MAPK6: variants seen among roughly 807,000 people sequenced by gnomAD.
The protein encoded by MAPK6 is mitogen-activated protein kinase 6.
A neutral mutation model predicts 59.3 loss-of-function variants in MAPK6; 19 were observed. The observed-to-expected ratio is 0.32, with a 90% CI of 0.22 to 0.47. The LOEUF (loss-of-function observed/expected upper bound fraction) is 0.47, where lower values mean the gene tolerates loss of function less well. Ranked by LOEUF, MAPK6 falls within the 20% of genes least tolerant of loss-of-function variation. MAPK6 has a pLI of 1.00. For missense variants in MAPK6, 724 were observed against 847.9 expected (o/e 0.85, Z 1.81); for synonymous variants, 316 against 290.3 (o/e 1.09, Z -0.90).
intron 1 of MAPK6, among the ~76,000 whole-genome samples, chr15:52,036,010 A>G (rs2031228634): frequency 6.6e-6 from 1 of 152,082 alleles, no homozygotes; most frequent in African/African-American, 2.4e-5. Flanking sequence ...CATTCTAGTC[A>G]GAAGTGGAAA....
intron 2 of MAPK6, chr15:52,004,135 A>C (rs1186786132): frequency 6.6e-6 from 1 of 152,200 alleles, no homozygotes; most frequent in Non-Finnish European, 1.5e-5. Flanking sequence ...GATGAAGATT[A>C]TTTTTAGGAT....
rs1280721590 is a variant in MAPK6 at position 52,046,452 on chromosome 15, G to A, written c.-9G>A. ...TTTGAAAGGAAAAGGCAATAGTAAGGGTTTCAAAATGGCAGAGAAATTTGA... is the reference window on the plus strand; with the variant it reads ...TTTGAAAGGAAAAGGCAATAGTAAGAGTTTCAAAATGGCAGAGAAATTTGA... On this transcript the variant is annotated 5_prime_UTR_variant, in exon 2 of 6. Transcript: ENST00000261845. 2 of 1,584,386 alleles carry A rather than the reference G, an allele frequency of 1.3e-6. No homozygotes were observed. Among genetic ancestry groups the A allele is most frequent in the Non-Finnish European group, 1.7e-6 (2 of 1,165,386 alleles).
intron 1 of MAPK6, among the ~76,000 whole-genome samples, chr15:52,040,818 A>C (rs1171923313): frequency 1.3e-5 from 2 of 152,240 alleles, no homozygotes; most frequent in African/African-American, 4.8e-5. Context: ...GCTGGTATCC[A>C]GCCTGCATTA....
intron 3 of MAPK6, among the ~76,000 whole-genome samples, chr15:52,007,558 G>C (rs553244792): frequency 8.2e-4 from 124 of 152,020 alleles, no homozygotes; most frequent in African/African-American, 2.8e-3. Flanking sequence ...TTTTTATACT[G>C]TGCAAAGCCA....
At chr15:52,053,410 T>C (rs142420892) in intron 3 of MAPK6, among the ~76,000 whole-genome samples, 232 of 152,274 alleles carry the variant, frequency 1.5e-3, no homozygotes, top group African/African-American at 5.3e-3. Flanking sequence ...CCCTAATAAC[T>C]AATGGATGAT....
intron 2 of MAPK6, among the ~76,000 whole-genome samples, chr15:51,997,019 G>A (rs145541063): frequency 0.019 from 2,785 of 148,212 alleles, 83 homozygotes; most frequent in African/African-American, 0.064. Context: ...TCACTCTGTC[G>A]CCCAAGCTGG....
At chr15:51,994,328 C>T (rs940428137) in intron 2 of MAPK6, among the ~76,000 whole-genome samples, 2 of 152,068 alleles carry the variant, frequency 1.3e-5, no homozygotes, top group East Asian at 1.9e-4. Flanking sequence ...GGCTGATTCC[C>T]GGGCTGAGGC....
rs573711986 is a variant in MAPK6 at position 51,989,173 on chromosome 15, G to T, written c.-770+5858G>T. Among the ~76,000 whole-genome samples, 11 of 150,940 alleles carry T rather than the reference G, an allele frequency of 7.3e-5. No homozygotes were observed. The South Asian group carries it at 1.9e-3, about 26-fold the overall frequency. ...TGGCTCACTGTAACCTCTGCTTTCC[G>T]GGTTCAAGCAATTCTCCCACCTCAG... On this transcript the variant is annotated intron_variant, in intron 2 of 7. Transcript: ENST00000691380.
intron 2 of MAPK6, among the ~76,000 whole-genome samples, chr15:51,997,725 G>T (rs947456379): frequency 6.6e-6 from 1 of 150,818 alleles, no homozygotes; most frequent in African/African-American, 2.4e-5. Context: ...TGAGTAGCTG[G>T]TATTACAGGT....
intron 3 of MAPK6, among the ~76,000 whole-genome samples, chr15:52,057,563 A>G (rs1264428705): frequency 6.6e-6 from 1 of 152,024 alleles, no homozygotes; most frequent in African/African-American, 2.4e-5. Context: ...TGTCTCAAAA[A>G]AAAAAAAATG....
chr15:51,997,516 C>T (rs1387335563), intron 2 of MAPK6, among the ~76,000 whole-genome samples: 1 of 152,090 alleles, frequency 6.6e-6, no homozygotes, highest in Non-Finnish European at 1.5e-5. Flanking sequence ...CCTTGGCCTC[C>T]CAGAGTGCTA....
At chr15:52,004,734 A>G (rs1369028364) in intron 3 of MAPK6, among the ~76,000 whole-genome samples, 1 of 152,200 alleles carries the variant, frequency 6.6e-6, no homozygotes, top group Non-Finnish European at 1.5e-5. Flanking sequence ...TGAAGCTTCC[A>G]GCTTTATTAT....
At chr15:52,003,182 C>T (rs1037490185) in intron 2 of MAPK6, among the ~76,000 whole-genome samples, 41 of 151,428 alleles carry the variant, frequency 2.7e-4, no homozygotes, top group Non-Finnish European at 5.0e-4. Context: ...AGGGAAACTC[C>T]GTCTTAAAAA....
At chr15:52,041,116 T>A (rs367572768) in intron 1 of MAPK6, among the ~76,000 whole-genome samples, 21 of 152,314 alleles carry the variant, frequency 1.4e-4, no homozygotes, top group African/African-American at 4.8e-4. Flanking sequence ...ACTGCCTTGT[T>A]GAAGTGTGTA....
chr15:52,012,079 C>G (rs1305371407), intron 3 of MAPK6, among the ~76,000 whole-genome samples: 1 of 152,186 alleles, frequency 6.6e-6, no homozygotes, highest in African/African-American at 2.4e-5. Flanking sequence ...ATATCCAAAA[C>G]AATCCTTTCT....
At chr15:52,027,872 A>C (rs2030866795) in intron 1 of MAPK6, 1 of 150,646 alleles carries the variant, frequency 6.6e-6, no homozygotes, top group African/African-American at 2.4e-5. Context: ...TCCCAGATTC[A>C]GGTGATTCTT....
At chr15:52,013,024 T>A (rs1321703667) in intron 3 of MAPK6, among the ~76,000 whole-genome samples, 2 of 38,530 alleles carry the variant, frequency 5.2e-5, no homozygotes, top group African/African-American at 1.3e-4. Flanking sequence ...AAAAAAAATA[T>A]ATATATATAT....
At chr15:52,032,874 G>C (rs576008928) in intron 1 of MAPK6, among the ~76,000 whole-genome samples, 2 of 152,108 alleles carry the variant, frequency 1.3e-5, no homozygotes, top group Non-Finnish European at 2.9e-5. Flanking sequence ...AGTAGAGATA[G>C]GGGTTTCTCC....
At chr15:52,027,480 C>T (rs1300664693) in intron 1 of MAPK6, among the ~76,000 whole-genome samples, 1 of 151,160 alleles carries the variant, frequency 6.6e-6, no homozygotes, top group East Asian at 1.9e-4. Flanking sequence ...AGATTCCAAT[C>T]AGGCTTAATA....
Sources: allele counts gnomAD v4.1 joint callset (sites outside exome capture counted in the v4.1 genomes callset), GRCh38; gene constraint gnomAD v4.1.1; transcripts MANE v1.5; gene names NCBI Gene and HGNC (gene_info 2026-07-23, HGNC 2026-07-21).